The following AKAP9 variants were observed in gnomAD, a reference collection of about 807,000 sequenced individuals.
The protein encoded by AKAP9 is A-kinase anchoring protein 9.
AKAP9 carries 311 observed loss-of-function variants against 488.5 expected under a neutral mutation model. The ratio of observed to expected loss-of-function variants is 0.64; its 90% confidence interval spans 0.58 to 0.70. The LOEUF is 0.70. AKAP9 is among the 30% of genes least tolerant of loss of function. The pLI, the probability that AKAP9 is intolerant of heterozygous loss-of-function variation, is 0.00. For missense variants in AKAP9, 4,215 were observed against 4,374.5 expected (o/e 0.96, Z 1.03); for synonymous variants, 1,462 against 1,483.5 (o/e 0.99, Z 0.33).
rs144412907 is a variant in AKAP9 at position 92,042,582 on chromosome 7, C to T, written c.5059-86C>T. On this transcript the variant is annotated intron_variant, in intron 19 of 49. Transcript: ENST00000356239. ...ACAGAGGTTTCTATTTTATCTCATACCAATATAGAAGAATGACATGCTGTT... is the reference window on the plus strand; with the variant it reads ...ACAGAGGTTTCTATTTTATCTCATATCAATATAGAAGAATGACATGCTGTT... The T allele has an allele frequency of 6.1e-5, 57 of 928,700 alleles. 1 individual carries two copies. The African/African-American group carries it at 8.1e-4, about 13-fold the overall frequency. The allele number at this position is 928,700 out of a possible 1,614,324, so 57.5% of individuals were successfully genotyped here.
intron 26 of AKAP9, among the ~76,000 whole-genome samples, chr7:92,069,025 A>G (rs1449006250): frequency 1.3e-5 from 2 of 152,164 alleles, no homozygotes; most frequent in East Asian, 3.8e-4. Context: ...TTCTTAGGGA[A>G]TAGGTCTTGG....
chr7:91,961,085 A>C (rs1584587569), intron 1 of AKAP9, among the ~76,000 whole-genome samples: 2 of 152,360 alleles, frequency 1.3e-5, no homozygotes, highest in East Asian at 1.9e-4. Flanking sequence ...AGTGCCTGGC[A>C]CATAATGAAC....
chr7:92,010,669 T>C (rs1800616192), intron 8 of AKAP9, among the ~76,000 whole-genome samples: 2 of 152,164 alleles, frequency 1.3e-5, no homozygotes, highest in South Asian at 4.1e-4. Context: ...TTATTTTATT[T>C]TTTTAGAGAC....
At chr7:91,971,750 T>C (rs1290500859) in intron 1 of AKAP9, among the ~76,000 whole-genome samples, 1 of 151,422 alleles carries the variant, frequency 6.6e-6, no homozygotes, top group Non-Finnish European at 1.5e-5. Context: ...TTTGTATTTT[T>C]AGTAGAGACA....
rs987816864 is a variant in AKAP9, at chr7:92,023,094, G to A, written c.4148+85G>A. On this transcript the variant is annotated intron_variant, in intron 14 of 49. Coordinates refer to ENST00000356239, the MANE Select transcript of AKAP9 (RefSeq NM_005751.5). ...TCATCCAGAATGGTTATTTAAAAAA[G>A]TAACTTAAGCAAAGTTGCTGGAAAG... The A allele has an allele frequency of 5.6e-6, 8 of 1,431,736 alleles. No homozygotes were observed. In the South Asian group the frequency reaches 8.1e-5, roughly 14 times the overall value. The allele number at this position is 1,431,736 out of a possible 1,614,324, so 88.7% of individuals were successfully genotyped here. A position where few individuals can be genotyped will look rare whatever the true frequency, so the allele number is the denominator to read the frequency against.
At chr7:92,081,291 G>A (rs775431604) in intron 31 of AKAP9, among the ~76,000 whole-genome samples, 48 of 150,846 alleles carry the variant, frequency 3.2e-4, no homozygotes, top group Middle Eastern at 3.4e-3. Flanking sequence ...TAATGTGTGG[G>A]TGACATATTT....
Position 92,069,883 on chromosome 7 carries a change from C to T in AKAP9, c.6331-147C>T, listed in dbSNP as rs1811399082. ...TTCCAGCCTGGGTAACATAATGAGA[C>T]TCCATTTCTTAAACAGACAAACAAA... is the stretch of plus-strand genomic sequence containing the variant. On this transcript the variant is annotated intron_variant, in intron 26 of 49. Transcript: ENST00000356239. The T allele has an allele frequency of 4.1e-5, 28 of 677,986 alleles. No individual in the cohort carries two copies. In the South Asian group the frequency reaches 5.2e-4, roughly 13 times the overall value. 42.0% of individuals were successfully genotyped at this position (677,986 alleles called of 1,614,324 possible). A position where few individuals can be genotyped will look rare whatever the true frequency, so the allele number is the denominator to read the frequency against.
At chr7:91,952,758 T>C (rs562581469) in intron 1 of AKAP9, among the ~76,000 whole-genome samples, 31 of 152,300 alleles carry the variant, frequency 2.0e-4, no homozygotes, top group African/African-American at 7.2e-4. Context: ...CTTGAATCTA[T>C]GTTAAGGAGA....
chr7:91,998,352 C>T (rs185900253), intron 7 of AKAP9, among the ~76,000 whole-genome samples: 17 of 145,554 alleles, frequency 1.2e-4, no homozygotes, highest in Admixed American at 9.9e-4. Flanking sequence ...CCATTGGTGC[C>T]GTAGCATAGT....
At chr7:91,942,250 TG>T (rs1320487237) in intron 1 of AKAP9, among the ~76,000 whole-genome samples, 1 of 152,172 alleles carries the variant, frequency 6.6e-6, no homozygotes, top group Non-Finnish European at 1.5e-5. Flanking sequence ...TTATTATCAA[TG>T]AAGGGCCATA....
chr7:92,073,399 G>A (rs867541402), intron 28 of AKAP9, among the ~76,000 whole-genome samples: 7 of 151,208 alleles, frequency 4.6e-5, no homozygotes, highest in Admixed American at 2.0e-4. Flanking sequence ...CCAGCTACTC[G>A]GGAGGCTGAG....
At chr7:92,083,714 A>T (rs758424876) in intron 33 of AKAP9, 59 bp downstream of exon 33, 2 of 1,393,080 alleles carry the variant, frequency 1.4e-6, no homozygotes, top group East Asian at 4.7e-5. Context: ...AAAAAAAAAA[A>T]TCAGTTTAAT....
In AKAP9 at chr7:92,097,320, G is replaced by A. The variant is rs377026066; in HGVS notation, c.10361G>A (p.Arg3454Gln). The change falls in exon 41 of 50, where the codon CGA becomes CAA. Residue 3454 changes from arginine to glutamine, a missense_variant. Physicochemically the swap from Arg to Gln is conservative, Grantham distance 43 (BLOSUM62 1). Transcript: ENST00000356239. ...QKQELEREEK[R>Q]ESRRILYQNL... ...CAAGAACTAGAACGAGAAGAAAAAC[G>A]AGAAAGTAGAAGAATTCTGTATCAG... 3.7e-5 allele frequency: 59 copies of A among 1,613,532 alleles called. No individual in the cohort carries two copies. The highest frequency in any genetic ancestry group is 4.8e-5 in the Non-Finnish European group (57 of 1,179,930).
rs757474754 is a variant in AKAP9 at position 92,001,081 on chromosome 7, A to G, written c.1164A>G (p.Arg388=). 1.9e-6 allele frequency: 3 copies of G among 1,613,522 alleles called. No individual in the cohort carries two copies. The East Asian group carries it at 6.7e-5, about 36-fold the overall frequency. The change falls in exon 8 of 50, where the codon AGA becomes AGG. Residue 388 remains arginine (R), a synonymous_variant. Transcript: ENST00000356239. ...TGACTAATTCTAAGCAAAAAGAAAGACAGTCTTCTGAAGAAATAAAACAGT... is the reference window on the plus strand; with the variant it reads ...TGACTAATTCTAAGCAAAAAGAAAGGCAGTCTTCTGAAGAAATAAAACAGT... ...LELTNSKQKE[R]QSSEEIKQLM...
chr7:92,079,790 G>A lies in AKAP9; in HGVS notation c.7657G>A (p.Ala2553Thr). The change falls in exon 31 of 50, where the codon GCT (alanine) becomes ACT (threonine). Residue 2553 changes from alanine (A) to threonine (T), a missense_variant. Ala to Thr is a moderately conservative substitution (Grantham distance 58, BLOSUM62 0). This residue lies in a region of AKAP9 where 1,476 missense variants were observed against 1,477.4 expected (regional missense o/e 1.00). Transcript: ENST00000356239. ...LQKIVEEKVA[A>T]ALVSQIQLEA... Reference sequence around the variant, plus strand: ...GAAAATAGTTGAAGAAAAAGTGGCTGCTGCTCTTGTCAGTCAAATCCAACT... The same window carrying A: ...GAAAATAGTTGAAGAAAAAGTGGCTACTGCTCTTGTCAGTCAAATCCAACT... 1 of 1,614,098 alleles carries A rather than the reference G, an allele frequency of 6.2e-7. No individual in the cohort carries two copies. Among genetic ancestry groups the A allele is most frequent in the Non-Finnish European group, 8.5e-7 (1 of 1,180,002 alleles).
rs537725847 is a variant in AKAP9 at position 92,075,225 on chromosome 7, T to G, written c.6613-1630T>G. ...GCTTCATGTCACAAAGTTAAGAAATTGATCATAAACTGTTGTATAAAAAAA... is the reference window on the plus strand; with the variant it reads ...GCTTCATGTCACAAAGTTAAGAAATGGATCATAAACTGTTGTATAAAAAAA... On this transcript the variant is annotated intron_variant, in intron 28 of 49. Transcript: ENST00000356239. Among the ~76,000 whole-genome samples the G allele has an allele frequency of 2.4e-3, 369 of 152,250 alleles. 2 individuals are homozygous for G. The highest frequency in any genetic ancestry group is 8.3e-3 in the African/African-American group (346 of 41,544).
chr7:92,086,721 G>T (rs1264904781), intron 37 of AKAP9, among the ~76,000 whole-genome samples: 1 of 152,128 alleles, frequency 6.6e-6, no homozygotes, highest in Admixed American at 6.5e-5. Context: ...TGAACATTGA[G>T]CGGTCATTGC....
intron 3 of AKAP9, among the ~76,000 whole-genome samples, chr7:91,985,225 A>G (rs1796918936): frequency 6.6e-6 from 1 of 152,144 alleles, no homozygotes; most frequent in African/African-American, 2.4e-5. Context: ...GTTTTTGCCC[A>G]TTCAGTATGA....
intron 28 of AKAP9, among the ~76,000 whole-genome samples, chr7:92,074,173 A>G (rs1812177838): frequency 6.6e-6 from 1 of 152,224 alleles, no homozygotes; most frequent in Non-Finnish European, 1.5e-5. Context: ...CAAATTTACA[A>G]GAAAAAACAA....
Sources: gnomAD v4.1 joint callset for allele counts (sites outside exome capture counted in the v4.1 genomes callset) on GRCh38, gnomAD v4.1.1 for gene constraint, gnomAD v4.1.1 regional missense constraint, MANE v1.5 for transcripts, NCBI Gene and HGNC (gene_info 2026-07-23, HGNC 2026-07-21) for gene names.